The following SAMD3 variants were observed in gnomAD, a reference collection of about 807,000 sequenced individuals.
SAMD3 encodes sterile alpha motif domain-containing protein 3.
SAMD3 carries 63 observed loss-of-function variants against 58.5 expected under a neutral mutation model. The observed-to-expected ratio is 1.08, with a 90% CI of 0.88 to 1.33. The LOEUF (loss-of-function observed/expected upper bound fraction) is 1.33. Ranked by LOEUF, SAMD3 falls within the 40% of genes most tolerant of loss-of-function variation. SAMD3 has a pLI of 0.00. For missense variants in SAMD3, 604 were observed against 608.4 expected (o/e 0.99, Z 0.08); for synonymous variants, 220 against 210.3 (o/e 1.05, Z -0.40).
intron 1 of SAMD3, among the ~76,000 whole-genome samples, chr6:130,323,884 C>A (rs1213859750): frequency 6.6e-6 from 1 of 151,230 alleles, no homozygotes; most frequent in East Asian, 1.9e-4. Context: ...CTTCTGGTTC[C>A]CTTTCATTAG....
chr6:130,153,664 ATTTATT>A (rs1172265167), intron 9 of SAMD3, among the ~76,000 whole-genome samples: 3 of 106,714 alleles, frequency 2.8e-5, no homozygotes, highest in Non-Finnish European at 5.7e-5. Flanking sequence ...ATATATATAT[ATTTATT>A]TATTTATTTA....
intron 2 of SAMD3, among the ~76,000 whole-genome samples, chr6:130,256,550 G>T (rs1425730683): frequency 6.6e-6 from 1 of 152,020 alleles, no homozygotes; most frequent in African/African-American, 2.4e-5. Context: ...TTGCTCAGAG[G>T]TCTCTCTAAT....
At chr6:130,218,997 G>C (rs897236311) in intron 1 of SAMD3, among the ~76,000 whole-genome samples, 4 of 152,084 alleles carry the variant, frequency 2.6e-5, no homozygotes, top group Non-Finnish European at 5.9e-5. Context: ...TCCATGCTTT[G>C]GAAAGATTAT....
At chr6:130,282,135 C>CACAT (rs71796177) in intron 2 of SAMD3, among the ~76,000 whole-genome samples, 3 of 151,818 alleles carry the variant, frequency 2.0e-5, no homozygotes, top group Admixed American at 1.3e-4. Context: ...CACACACACA[C>CACAT]GCACACACAC....
In SAMD3 at chr6:130,215,880, C is replaced by T. The variant is rs938891645; in HGVS notation, c.-21-586G>A. On this transcript the variant is annotated intron_variant, in intron 2 of 11. Transcript: ENST00000439090. ...CGTTAGCAAGAAGAGGAAGTAGGAC[C>T]CACATTTCTCTGGAGAATCTGAATG... 6 of 1,499,142 alleles carry T rather than the reference C, an allele frequency of 4.0e-6. No homozygotes were observed. The East Asian group carries it at 1.5e-4, about 37-fold the overall frequency. 92.9% of individuals were successfully genotyped at this position (1,499,142 alleles called of 1,614,324 possible). A position where few individuals can be genotyped will look rare whatever the true frequency, so the allele number is the denominator to read the frequency against.
In SAMD3 at chr6:130,158,485, A is replaced by G. The variant is rs563149706; in HGVS notation, c.823-3460T>C. Among the ~76,000 whole-genome samples, 20 of 149,864 alleles carry G rather than the reference A, an allele frequency of 1.3e-4. No homozygotes were observed. In the East Asian group the frequency reaches 2.7e-3, roughly 21 times the overall value. ...GCAAGAAAATTTTCTATCCATAAGG[A>G]AAAAAAAAATCCCATATGGCTTAAG... On this transcript the variant is annotated intron_variant, in intron 8 of 11. Coordinates refer to ENST00000439090, the MANE Select transcript of SAMD3 (RefSeq NM_001017373.4).
At chr6:130,143,056 A>T (rs970697984), downstream of SAMD3, 5 of 152,202 alleles carry the variant, frequency 3.3e-5, no homozygotes, top group African/African-American at 1.2e-4. Flanking sequence ...TGATTGTAGA[A>T]ATGGGCAACT....
intron 5 of SAMD3, among the ~76,000 whole-genome samples, chr6:130,201,330 T>TA (rs923128077): frequency 1.8e-4 from 28 of 152,030 alleles, no homozygotes; most frequent in African/African-American, 5.5e-4. Flanking sequence ...TGTGGAACCT[T>TA]AAAAAAAATA....
At chr6:130,230,380 C>CCAT (rs1430542246) in intron 2 of SAMD3, among the ~76,000 whole-genome samples, 1 of 151,950 alleles carries the variant, frequency 6.6e-6, no homozygotes, top group Non-Finnish European at 1.5e-5. Context: ...GTTCGCCTCT[C>CCAT]CTTCTTCTTC....
chr6:130,190,799 A>G (rs1228432407), intron 5 of SAMD3, among the ~76,000 whole-genome samples: 4 of 152,036 alleles, frequency 2.6e-5, no homozygotes, highest in African/African-American at 9.7e-5. Flanking sequence ...CGATTTAATC[A>G]TGTCGGTCAG....
chr6:130,264,345 A>G (rs1472828285), intron 2 of SAMD3, among the ~76,000 whole-genome samples: 1 of 152,206 alleles, frequency 6.6e-6, no homozygotes. Context: ...CAGGGAGGAA[A>G]TAGCATTCCT....
At chr6:130,298,809 A>G (rs931973068) in intron 2 of SAMD3, among the ~76,000 whole-genome samples, 1 of 149,644 alleles carries the variant, frequency 6.7e-6, no homozygotes, top group Non-Finnish European at 1.5e-5. Context: ...AATGGAAAAC[A>G]AAAAACAGCA....
In SAMD3 at chr6:130,213,325, T is replaced by TA. The variant is rs1263542008; in HGVS notation, c.269+1011dup. ...AAAAAACAAAAAGCTTTTTTTTTTT[T>TA]AAAAAAAATCAATTAGTAGAATTTC... On this transcript the variant is annotated intron_variant, in intron 4 of 11. Transcript: ENST00000439090. Among the ~76,000 whole-genome samples, 233 of 150,572 alleles carry TA rather than the reference T, an allele frequency of 1.5e-3. 2 individuals are homozygous for TA. Among genetic ancestry groups the TA allele is most frequent in the African/African-American group, 4.8e-3 (197 of 40,984 alleles).
intron 1 of SAMD3, among the ~76,000 whole-genome samples, chr6:130,324,952 C>T (rs1776707569): frequency 6.6e-6 from 1 of 152,050 alleles, no homozygotes; most frequent in Non-Finnish European, 1.5e-5. Flanking sequence ...CTTTTTATTG[C>T]TTTAAATTAT....
chr6:130,317,096 A>G (rs1408595087), intron 1 of SAMD3, among the ~76,000 whole-genome samples: 1 of 152,180 alleles, frequency 6.6e-6, no homozygotes, highest in Non-Finnish European at 1.5e-5. Flanking sequence ...ATTTGGATGT[A>G]CTAGTAGGCA....
intron 8 of SAMD3, among the ~76,000 whole-genome samples, chr6:130,158,458 G>A (rs1789989238): frequency 6.6e-6 from 1 of 151,740 alleles, no homozygotes; most frequent in African/African-American, 2.4e-5. Flanking sequence ...TTTCTGAAAG[G>A]TGCAAGAAAA....
intron 5 of SAMD3, among the ~76,000 whole-genome samples, chr6:130,198,125 C>G (rs902913130): frequency 1.1e-4 from 17 of 152,182 alleles, no homozygotes; most frequent in African/African-American, 4.1e-4. Context: ...TTCGCTGACT[C>G]TCTTTTTGGA....
chr6:130,299,307 A>G (rs1404000666), intron 2 of SAMD3, among the ~76,000 whole-genome samples: 1 of 152,190 alleles, frequency 6.6e-6, no homozygotes, highest in Non-Finnish European at 1.5e-5. Context: ...ATCAATACCA[A>G]GAAGAACACT....
chr6:130,259,798 C>A (rs1774057579), intron 2 of SAMD3, among the ~76,000 whole-genome samples: 1 of 152,156 alleles, frequency 6.6e-6, no homozygotes, highest in Admixed American at 6.5e-5. Flanking sequence ...CCAGATTCCT[C>A]TAGTGATAAC....
Sources: gnomAD v4.1 joint callset for allele counts (sites outside exome capture counted in the v4.1 genomes callset) on GRCh38, gnomAD v4.1.1 for gene constraint, MANE v1.5 for transcripts, NCBI Gene and HGNC (gene_info 2026-07-23, HGNC 2026-07-21) for gene names.